Variants in WRAP53 observed in about 807,000 individuals in gnomAD.
WRAP53 encodes WD repeat containing antisense to TP53, also known as telomerase Cajal body protein 1.
A neutral mutation model predicts 56.6 loss-of-function variants in WRAP53; 28 were observed. That is an observed-to-expected ratio of 0.50 (90% CI 0.37 to 0.68). The LOEUF is 0.68. WRAP53 is among the 30% of genes least tolerant of loss of function. The pLI is 0.00. For synonymous variants in WRAP53, 283 were observed against 283.4 expected (o/e 1.00, Z 0.01); for missense variants, 671 against 715.5 (o/e 0.94, Z 0.71).
At position 7,702,234 on chromosome 17, in the gene WRAP53, G is replaced by C. The variant is rs73248509; in HGVS notation, c.956-110G>C. The C allele has an allele frequency of 1.7e-6, 2 of 1,143,730 alleles. No individual in the cohort carries two copies. The highest frequency in any genetic ancestry group is 2.4e-5 in the East Asian group (1 of 41,224). 70.8% of individuals were successfully genotyped at this position (1,143,730 alleles called of 1,614,324 possible). A position where few individuals can be genotyped will look rare whatever the true frequency, so the allele number is the denominator to read the frequency against. On this transcript the variant is annotated intron_variant, in intron 7 of 10. Coordinates refer to ENST00000396463, the MANE Select transcript of WRAP53 (RefSeq NM_001143992.2). The surrounding 1 kb of genome is among the most constrained non-coding windows in gnomAD (Gnocchi z 5.0). ...TGCTTGTGACAGACAGCATGGGGGG[G>C]ATGTTGAGTCCAAGCATGTTGGTGC...
Position 7,699,200 on chromosome 17 carries a change from A to T in WRAP53, c.643-1541A>T, listed in dbSNP as rs146546039. On this transcript the variant is annotated intron_variant, in intron 4 of 10. Coordinates refer to ENST00000396463, the MANE Select transcript of WRAP53 (RefSeq NM_001143992.2). Reference sequence around the variant, plus strand: ...TTTGGGAGGCTGAGGCAGAAAGATCACTTGAGGCCAAGAGTTCGAGACCAG... The same window carrying T: ...TTTGGGAGGCTGAGGCAGAAAGATCTCTTGAGGCCAAGAGTTCGAGACCAG... Among the ~76,000 whole-genome samples, 1,108 of 151,274 alleles carry T rather than the reference A, an allele frequency of 7.3e-3. 11 individuals are homozygous for T. The highest frequency in any genetic ancestry group is 0.026 in the African/African-American group (1,069 of 41,260).
chr17:7,702,383 C>T lies in WRAP53; in HGVS notation c.995C>T (p.Ala332Val). ...QGQSGIISCI[A>V]FSPAQPLYAC... The stretch of plus-strand genomic sequence containing the variant: ...CAGAGCGGCATCATCTCCTGCATAG[C>T]CTTCAGCCCAGCCCAGCCCCTCTAT... The change falls in exon 8 of 11, where the codon GCC (alanine) becomes GTC (valine). Residue 332 changes from alanine to valine, a missense_variant. Coordinates refer to ENST00000396463, the MANE Select transcript of WRAP53 (RefSeq NM_001143992.2). This position sits in a 1 kb window ranked among gnomAD's most constrained non-coding sequence, Gnocchi z 5.0. 6.2e-7 allele frequency: 1 copy of T among 1,614,196 alleles called. No homozygotes were observed.
At chr17:7,696,740 A>G (rs2074191433) in intron 4 of WRAP53, among the ~76,000 whole-genome samples, 1 of 152,118 alleles carries the variant, frequency 6.6e-6, no homozygotes, top group South Asian at 2.1e-4. Flanking sequence ...AAAGGAAGTG[A>G]AGAGTGGTAG....
rs1165527496 is a variant in WRAP53 at position 7,703,437 on chromosome 17, G to T, written c.1598G>T (p.Gly533Val). 1 of 1,611,688 alleles carries T rather than the reference G, an allele frequency of 6.2e-7. No individual in the cohort carries two copies. The highest frequency in any genetic ancestry group is 2.2e-5 in the East Asian group (1 of 44,462). The change falls in exon 11 of 11, where the codon GGC becomes GTC. Residue 533 changes from glycine (G) to valine (V), a missense_variant. Coordinates refer to ENST00000396463, the MANE Select transcript of WRAP53 (RefSeq NM_001143992.2). ...PDSSIPDDHQ[G>V]EKGQGGTEGG... ...TCCAGCATCCCTGATGATCACCAGG[G>T]CGAGAAAGGGCAGGGAGGAACGGAG...
chr17:7,689,392 A>G (rs2074077197), intron 3 of WRAP53, 70 bp downstream of exon 3: 1 of 1,518,036 alleles, frequency 6.6e-7, no homozygotes, highest in Non-Finnish European at 9.1e-7. Flanking sequence ...CCAGTTTTCT[A>G]GGAGAGGGAT....
chr17:7,701,607 G>A lies in WRAP53; in HGVS notation c.823-50G>A. The A allele has an allele frequency of 1.2e-6, 2 of 1,614,238 alleles. No homozygotes were observed. Among genetic ancestry groups the A allele is most frequent in the Non-Finnish European group, 1.7e-6 (2 of 1,180,044 alleles). On this transcript the variant is annotated intron_variant, in intron 6 of 10. Transcript: ENST00000396463. The surrounding 1 kb of genome is among the most constrained non-coding windows in gnomAD (Gnocchi z 4.2). Reference sequence around the variant, plus strand: ...TACTGGCCCGGCTCTCCTTCCTTGAGGGCAGCTGAGGCTTTGCAAGACCTG... The same window carrying A: ...TACTGGCCCGGCTCTCCTTCCTTGAAGGCAGCTGAGGCTTTGCAAGACCTG...
intron 5 of WRAP53, 61 bp downstream of exon 5, chr17:7,700,890 G>A: frequency 6.8e-6 from 9 of 1,314,098 alleles, no homozygotes; most frequent in Non-Finnish European, 9.9e-6. Context: ...AGGGCCTCTT[G>A]GGAGAGTCAA....
At chr17:7,689,952 ATTTC>A (rs1251661659) in intron 4 of WRAP53, among the ~76,000 whole-genome samples, 1 of 151,934 alleles carries the variant, frequency 6.6e-6, no homozygotes, top group Non-Finnish European at 1.5e-5. Flanking sequence ...ATATATTTCT[ATTTC>A]TTATTTTTTT....
In WRAP53 at chr17:7,702,041, C is replaced by T. The variant is rs2074282743; in HGVS notation, c.955+252C>T. 1.4e-6 allele frequency: 1 copy of T among 738,120 alleles called. No homozygotes were observed. Among genetic ancestry groups the T allele is most frequent in the Non-Finnish European group, 2.4e-6 (1 of 422,602 alleles). The allele number at this position is 738,120 out of a possible 1,614,324, so 45.7% of individuals were successfully genotyped here. ...CCCTGTCAGCTGTGGAGCTTTTGGT[C>T]TCTGAAATCTTTCTAGAAAATTGTT... On this transcript the variant is annotated intron_variant, in intron 7 of 10. Coordinates refer to ENST00000396463, the MANE Select transcript of WRAP53 (RefSeq NM_001143992.2). The surrounding 1 kb of genome is among the most constrained non-coding windows in gnomAD (Gnocchi z 5.0).
chr17:7,689,101 G>C, intron 2 of WRAP53, 22 bp downstream of exon 2: 2 of 1,614,154 alleles, frequency 1.2e-6, no homozygotes, highest in African/African-American at 1.3e-5. Context: ...TGGCAGTGGA[G>C]TGTGGAGTCT....
intron 4 of WRAP53, among the ~76,000 whole-genome samples, chr17:7,697,252 T>C (rs1597414346): frequency 7.4e-6 from 1 of 134,746 alleles, no homozygotes; most frequent in African/African-American, 2.9e-5. Flanking sequence ...ACCTGGGAGG[T>C]GGAGGTAGTA....
chr17:7,695,683 G>A lies in WRAP53; in HGVS notation c.643-5058G>A, dbSNP rs1408425150. On this transcript the variant is annotated intron_variant, in intron 4 of 10. Coordinates refer to ENST00000396463, the MANE Select transcript of WRAP53 (RefSeq NM_001143992.2). ...ACAGCCTTCCGGTGCTCTCCTGTTCGCCCGCCATTTTGGTGACCTCAGGTA... is the reference window on the plus strand; with the variant it reads ...ACAGCCTTCCGGTGCTCTCCTGTTCACCCGCCATTTTGGTGACCTCAGGTA... 3.3e-5 allele frequency among the ~76,000 whole-genome samples: 5 copies of A among 151,878 alleles called. No homozygotes were observed. In the East Asian group the frequency reaches 9.7e-4, roughly 29 times the overall value.
rs183242843 is a variant in WRAP53, at chr17:7,694,914, A to G, written c.642+5213A>G. On this transcript the variant is annotated intron_variant, in intron 4 of 10. Coordinates refer to ENST00000396463, the MANE Select transcript of WRAP53 (RefSeq NM_001143992.2). ...TCTATCGCAACCTCTCTCATTAGGT[A>G]TTTTCATTTTTAGTGTCTACAAGCT... Among the ~76,000 whole-genome samples the G allele has an allele frequency of 2.8e-3, 379 of 135,638 alleles. 2 individuals carry two copies. Among genetic ancestry groups the G allele is most frequent in the African/African-American group, 0.01 (359 of 35,620 alleles). The allele number at this position is 135,638 out of a possible 152,430, so 89.0% of individuals were successfully genotyped here.
At chr17:7,692,875 T>C (rs1007710516) in intron 4 of WRAP53, among the ~76,000 whole-genome samples, 1 of 146,452 alleles carries the variant, frequency 6.8e-6, no homozygotes, top group African/African-American at 2.5e-5. Context: ...CCTCAGCCTC[T>C]CCCGAGTAGC....
upstream of WRAP53, chr17:7,688,467 T>C (rs969094860): frequency 9.0e-6 from 6 of 665,482 alleles, no homozygotes; most frequent in East Asian, 8.2e-5. Context: ...CCCGCGGTGC[T>C]AAGGAACACA....
chr17:7,695,229 A>T, intron 4 of WRAP53, among the ~76,000 whole-genome samples: 1 of 152,212 alleles, frequency 6.6e-6, no homozygotes, highest in East Asian at 1.9e-4. Flanking sequence ...TGCTGGGATT[A>T]CAGGCGTGAG....
upstream of WRAP53, chr17:7,688,411 T>A (rs1270954199): frequency 8.0e-5 from 45 of 564,872 alleles, no homozygotes; most frequent in Non-Finnish European, 2.2e-5. Context: ...GGCGGCCCAA[T>A]CGGAAGGTGG....
intron 4 of WRAP53, among the ~76,000 whole-genome samples, chr17:7,699,456 ATTTATATATATATATATATT>A (rs1567577203): frequency 0.021 from 933 of 44,796 alleles, 62 homozygotes; most frequent in African/African-American, 0.069. Flanking sequence ...ATATATATAT[ATTTATATATATATATATATT>A]TATATATATA....
At chr17:7,700,112 G>A (rs555586215) in intron 4 of WRAP53, among the ~76,000 whole-genome samples, 15 of 151,246 alleles carry the variant, frequency 9.9e-5, no homozygotes, top group African/African-American at 3.2e-4. Context: ...GCAGTGGTGC[G>A]ATCTCAGCTC....
Sources: gnomAD v4.1 joint callset for allele counts (sites outside exome capture counted in the v4.1 genomes callset) on GRCh38, gnomAD v4.1.1 for gene constraint, Gnocchi (gnomAD v3.1) non-coding constraint, MANE v1.5 for transcripts, NCBI Gene and HGNC (gene_info 2026-07-23, HGNC 2026-07-21) for gene names.